MBD5: variants seen among roughly 807,000 people sequenced by gnomAD.
The protein encoded by MBD5 is methyl-CpG binding domain protein 5, also known as methyl-CpG-binding domain protein 5.
In MBD5, 13 loss-of-function variants were observed where a neutral mutation model predicts 117.3. The ratio of observed to expected loss-of-function variants is 0.11; its 90% CI spans 0.07 to 0.18. MBD5 has a LOEUF of 0.18. Ranked by LOEUF, MBD5 falls within the 10% of genes least tolerant of loss-of-function variation. MBD5 has a pLI of 1.00. For missense variants in MBD5, 1,879 were observed against 2,093.8 expected (o/e 0.90, Z 2.00); for synonymous variants, 727 against 766.4 (o/e 0.95, Z 0.85).
chr2:148,173,618 C>T (rs1698316104), intron 1 of MBD5, among the ~76,000 whole-genome samples: 1 of 152,152 alleles, frequency 6.6e-6, no homozygotes, highest in African/African-American at 2.4e-5. Flanking sequence ...CCCAAGGATC[C>T]CATAATGGGA....
chr2:148,313,028 C>T (rs575703787), intron 3 of MBD5, among the ~76,000 whole-genome samples: 8 of 152,130 alleles, frequency 5.3e-5, no homozygotes, highest in Non-Finnish European at 8.8e-5. Context: ...CTGGAAGGTT[C>T]GTCCCAGAGT....
At chr2:148,122,354 A>G (rs1326722873) in intron 1 of MBD5, among the ~76,000 whole-genome samples, 3 of 152,196 alleles carry the variant, frequency 2.0e-5, no homozygotes, top group African/African-American at 4.8e-5. Context: ...TTTTGGTAGA[A>G]AAGAGATTGC....
rs111864291 is a variant in MBD5, at chr2:148,422,259, C to T, written c.-556-35944C>T. On this transcript the variant is annotated intron_variant, in intron 4 of 13. Transcript: ENST00000642680. ...GGAACAGGCAGCAATCTTTGCTGTT[C>T]TGAAGCCTCTGCTGGTGATACCCAG... 4.1e-3 allele frequency among the ~76,000 whole-genome samples: 627 copies of T among 152,292 alleles called. 6 individuals are homozygous for T. Among genetic ancestry groups the T allele is most frequent in the African/African-American group, 0.014 (587 of 41,558 alleles).
chr2:148,396,231 G>A (rs2105034396), intron 4 of MBD5, among the ~76,000 whole-genome samples: 1 of 152,292 alleles, frequency 6.6e-6, no homozygotes, highest in South Asian at 2.1e-4. Flanking sequence ...CTGTGTTGGA[G>A]CCATGGTATG....
At chr2:148,222,832 C>T (rs561818163) in intron 2 of MBD5, among the ~76,000 whole-genome samples, 1 of 152,098 alleles carries the variant, frequency 6.6e-6, no homozygotes, top group South Asian at 2.1e-4. Context: ...AGAAAAGTGG[C>T]CATCCTTTTC....
Position 148,413,032 on chromosome 2 carries a change from T to C in MBD5, c.-556-45171T>C, listed in dbSNP as rs190142742. ...GGTGAGAATAGACATCCATGTCTTA[T>C]TCTGGTTTTCAAGGATAAGGTTTCC... On this transcript the variant is annotated intron_variant, in intron 4 of 13. Coordinates refer to ENST00000642680, the MANE Select transcript of MBD5 (RefSeq NM_001378120.1). Among the ~76,000 whole-genome samples the C allele has an allele frequency of 4.2e-3, 644 of 152,272 alleles. 9 individuals carry two copies. Among genetic ancestry groups the C allele is most frequent in the African/African-American group, 0.015 (621 of 41,556 alleles).
intron 4 of MBD5, among the ~76,000 whole-genome samples, chr2:148,351,732 T>C (rs1703254051): frequency 1.3e-5 from 2 of 152,084 alleles, no homozygotes; most frequent in African/African-American, 4.8e-5. Flanking sequence ...ACCTGGACCC[T>C]AATCCCACAC....
At chr2:148,474,640 A>C (rs140264661) in intron 8 of MBD5, among the ~76,000 whole-genome samples, 87 of 152,272 alleles carry the variant, frequency 5.7e-4, no homozygotes, top group African/African-American at 2.0e-3. Context: ...TCAAACATTT[A>C]TTTGCCTTAA....
At chr2:148,512,176 T>A (rs1682240500) in intron 13 of MBD5, 1 of 155,190 alleles carries the variant, frequency 6.4e-6, no homozygotes, top group Non-Finnish European at 1.4e-5. Context: ...AAATTATACC[T>A]GCTATCTAAT....
intron 1 of MBD5, among the ~76,000 whole-genome samples, chr2:148,087,870 C>G (rs1022425273): frequency 3.9e-5 from 6 of 152,132 alleles, no homozygotes; most frequent in Non-Finnish European, 7.4e-5. Flanking sequence ...AAGAAGAAAT[C>G]TCTGAATTGC....
chr2:148,064,096 G>T (rs1424634240), intron 1 of MBD5, among the ~76,000 whole-genome samples: 1 of 150,780 alleles, frequency 6.6e-6, no homozygotes, highest in Admixed American at 6.6e-5. Flanking sequence ...GAATCTAAAG[G>T]AAACATACTA....
At chr2:148,299,552 G>A (rs6713264) in intron 3 of MBD5, among the ~76,000 whole-genome samples, 16,284 of 152,150 alleles carry the variant, frequency 0.11, 962 homozygotes, top group Middle Eastern at 0.2. Context: ...CTGTTTCACC[G>A]GAGAAAAATG....
rs1704580870 is a variant in MBD5 at position 148,391,879 on chromosome 2, A to G, written c.-557+49543A>G. On this transcript the variant is annotated intron_variant, in intron 4 of 13. Coordinates refer to ENST00000642680, the MANE Select transcript of MBD5 (RefSeq NM_001378120.1). Reference sequence around the variant, plus strand: ...TCATCAAGGAACAAAGATATACAACATGTATCTCTACAAAAGGATATTTCC... The same window carrying G: ...TCATCAAGGAACAAAGATATACAACGTGTATCTCTACAAAAGGATATTTCC... 5.3e-5 allele frequency among the ~76,000 whole-genome samples: 8 copies of G among 152,306 alleles called. No individual in the cohort carries two copies. The South Asian group carries it at 1.7e-3, about 32-fold the overall frequency.
In MBD5 at chr2:148,278,928, C is replaced by A. The variant is rs73013043; in HGVS notation, c.-680+45533C>A. On this transcript the variant is annotated intron_variant, in intron 3 of 13. Coordinates refer to ENST00000642680, the MANE Select transcript of MBD5 (RefSeq NM_001378120.1). Reference sequence around the variant, plus strand: ...TGGAGAACCTGGAGTTCTGAAGTCCCAAGTCAGGAGAAGGGTGTCATGACT... The same window carrying A: ...TGGAGAACCTGGAGTTCTGAAGTCCAAAGTCAGGAGAAGGGTGTCATGACT... 6.1e-3 allele frequency among the ~76,000 whole-genome samples: 922 copies of A among 152,218 alleles called. 8 individuals are homozygous for A. Among genetic ancestry groups the A allele is most frequent in the African/African-American group, 0.021 (855 of 41,524 alleles).
chr2:148,034,745 C>T (rs935835788), intron 1 of MBD5, among the ~76,000 whole-genome samples: 1 of 152,122 alleles, frequency 6.6e-6, no homozygotes. Flanking sequence ...ACATCATTTT[C>T]TTTTGTTGCA....
chr2:148,074,495 G>GTTTTTTTTTTGT (rs1167128867), intron 1 of MBD5, among the ~76,000 whole-genome samples: 50 of 109,820 alleles, frequency 4.6e-4, no homozygotes, highest in Non-Finnish European at 7.6e-4. Flanking sequence ...TTTTTTTTTT[G>GTTTTTTTTTTGT]TTTTTTTTTT....
At chr2:148,223,855 C>T (rs1474298167) in intron 2 of MBD5, among the ~76,000 whole-genome samples, 6 of 152,030 alleles carry the variant, frequency 3.9e-5, no homozygotes, top group Admixed American at 2.6e-4. Context: ...CATGTAGGCA[C>T]TTATGGCCGT....
At chr2:148,197,318 C>A (rs1699013454) in intron 2 of MBD5, among the ~76,000 whole-genome samples, 2 of 152,176 alleles carry the variant, frequency 1.3e-5, no homozygotes, top group East Asian at 3.9e-4. Context: ...GGTGCCCCAG[C>A]TGGTACCAAG....
rs530746824 is a variant in MBD5 at position 148,021,594 on chromosome 2, G to GCCT, written c.-1003_-1001dup. ...TCCCCAGCTCTCCTCCTCCTCCTTC[G>GCCT]CCTCCTCCTCCTCCACTCCCCCCCT... is the stretch of plus-strand genomic sequence containing the variant. On this transcript the variant is annotated 5_prime_UTR_variant, in exon 1 of 14. Transcript: ENST00000642680. 2.1e-6 allele frequency: 1 copy of GCCT among 483,844 alleles called. No individual in the cohort carries two copies. 30.0% of individuals were successfully genotyped at this position (483,844 alleles called of 1,614,324 possible).
Sources: gnomAD v4.1 joint callset for allele counts (sites outside exome capture counted in the v4.1 genomes callset) on GRCh38, gnomAD v4.1.1 for gene constraint, MANE v1.5 for transcripts, NCBI Gene and HGNC (gene_info 2026-07-23, HGNC 2026-07-21) for gene names.